ACBD6: variants seen among roughly 807,000 people sequenced by gnomAD.
ACBD6 encodes the protein acyl-CoA binding domain containing 6, also known as acyl-CoA-binding domain-containing protein 6.
Under a neutral mutation model 37.2 loss-of-function variants are expected in ACBD6, and 28 were observed. That is an observed-to-expected ratio of 0.75 (90% confidence interval 0.56 to 1.03). ACBD6 has a LOEUF of 1.03. Among genes scored for constraint, ACBD6 ranks in the 50% least tolerant of loss-of-function variants. The pLI is 0.00. For synonymous variants in ACBD6, 113 were observed against 126.8 expected, an observed-to-expected ratio of 0.89 and a Z score of 0.73; for missense variants, 340 against 337.4, an observed-to-expected ratio of 1.01 and a Z score of -0.06.
intron 1 of ACBD6, among the ~76,000 whole-genome samples, chr1:180,496,802 G>A (rs1343725046): frequency 2.0e-5 from 3 of 152,162 alleles, no homozygotes; most frequent in African/African-American, 7.2e-5. Context: ...GAAAAAGAAG[G>A]AGCCACATTT....
chr1:180,502,128 C>A lies in ACBD6; in HGVS notation c.139G>T (p.Glu47Ter), dbSNP rs368971959. 6.2e-7 allele frequency: 1 copy of A among 1,613,906 alleles called. No individual in the cohort carries two copies. The highest frequency in any genetic ancestry group is 1.7e-5 in the Admixed American group (1 of 60,000). ...CCTTGCAGGTGCGCGGCAGCCTTCT[C>A]AAACAGCTCGGCCAGGCAACTGGTC... ...EETSCLAELF[E>*]KAAAHLQGLI... Residue 47 changes from glutamate (E) to a stop codon, truncating the protein, a stop_gained, in exon 1 of 8, where the codon GAG (glutamate) becomes TAG (stop). Transcript: ENST00000367595. LOFTEE classifies it high-confidence loss of function.
chr1:180,413,546 T>C (rs901263832), intron 4 of ACBD6, 75 bp from the exon 5 acceptor site: 1 of 1,169,692 alleles, frequency 8.5e-7, no homozygotes. Flanking sequence ...ACAATCTGTT[T>C]GCTGCTGACA....
At chr1:180,293,621 A>G (rs1014409160) in intron 7 of ACBD6, among the ~76,000 whole-genome samples, 2 of 152,158 alleles carry the variant, frequency 1.3e-5, no homozygotes, top group Non-Finnish European at 2.9e-5. Flanking sequence ...TCATCCTTAA[A>G]TACTCAGTAG....
chr1:180,394,615 A>G (rs891805067), intron 6 of ACBD6, among the ~76,000 whole-genome samples: 4 of 152,212 alleles, frequency 2.6e-5, no homozygotes, highest in Admixed American at 2.0e-4. Context: ...ACAGAAAACC[A>G]GAGCAATGGA....
intron 3 of ACBD6, among the ~76,000 whole-genome samples, chr1:180,467,285 A>G (rs993211795): frequency 6.6e-6 from 1 of 151,726 alleles, no homozygotes; most frequent in African/African-American, 2.4e-5. Flanking sequence ...GATATTCAAC[A>G]TGCAAAAAAA....
At chr1:180,307,733 T>A (rs1650436362) in intron 7 of ACBD6, among the ~76,000 whole-genome samples, 1 of 152,182 alleles carries the variant, frequency 6.6e-6, no homozygotes, top group Admixed American at 6.5e-5. Flanking sequence ...GGCAAGCGGA[T>A]CATTTGAGGC....
At chr1:180,386,994 G>A (rs1653869827) in intron 6 of ACBD6, among the ~76,000 whole-genome samples, 1 of 152,112 alleles carries the variant, frequency 6.6e-6, no homozygotes, top group African/African-American at 2.4e-5. Flanking sequence ...ATGCGTATCT[G>A]TATTCTATTT....
At chr1:180,496,002 C>T (rs1274533645) in intron 1 of ACBD6, among the ~76,000 whole-genome samples, 1 of 152,116 alleles carries the variant, frequency 6.6e-6, no homozygotes, top group Admixed American at 6.6e-5. Context: ...AAACAGTGTA[C>T]TACTTTTAAA....
At chr1:180,431,499 G>A (rs540294168) in intron 3 of ACBD6, among the ~76,000 whole-genome samples, 15 of 151,952 alleles carry the variant, frequency 9.9e-5, no homozygotes, top group Non-Finnish European at 2.2e-4. Flanking sequence ...AGAATTTCTG[G>A]GATAGATAAT....
intron 6 of ACBD6, among the ~76,000 whole-genome samples, chr1:180,384,820 T>A (rs1401269310): frequency 6.6e-6 from 1 of 152,128 alleles, no homozygotes; most frequent in African/African-American, 2.4e-5. Context: ...TAGTCAGCTA[T>A]GAAGAAGAAT....
At chr1:180,457,866 C>T (rs1363865566) in intron 3 of ACBD6, among the ~76,000 whole-genome samples, 2 of 150,592 alleles carry the variant, frequency 1.3e-5, no homozygotes, top group African/African-American at 2.5e-5. Flanking sequence ...GATCTCAGCT[C>T]ACTGCAACAT....
intron 7 of ACBD6, among the ~76,000 whole-genome samples, chr1:180,292,813 A>G (rs1023476030): frequency 2.0e-5 from 3 of 152,144 alleles, no homozygotes; most frequent in Non-Finnish European, 4.4e-5. Flanking sequence ...TCTTAGAGGG[A>G]AAGTGTTCAG....
intron 5 of ACBD6, among the ~76,000 whole-genome samples, chr1:180,397,876 A>G (rs770223162): frequency 3.9e-5 from 6 of 152,144 alleles, no homozygotes; most frequent in Non-Finnish European, 7.4e-5. Flanking sequence ...AACATGGTGA[A>G]ACCCTGTCTC....
rs1571504140 is a variant in ACBD6 at position 180,433,270 on chromosome 1, A to C, written c.385-3008T>G. On this transcript the variant is annotated intron_variant, in intron 3 of 7. Transcript: ENST00000367595. ...ATCAATCATATAACACAGCATATTA[A>C]TACAATGAAGGACAAAACCCACATG... Among the ~76,000 whole-genome samples the C allele has an allele frequency of 1.3e-5, 2 of 152,234 alleles. 1 individual carries two copies. Among genetic ancestry groups the C allele is most frequent in the South Asian group, 4.1e-4 (2 of 4,826 alleles).
chr1:180,443,658 G>A (rs1649368911), intron 3 of ACBD6, among the ~76,000 whole-genome samples: 1 of 152,068 alleles, frequency 6.6e-6, no homozygotes, highest in Non-Finnish European at 1.5e-5. Context: ...TGTCGCCCAG[G>A]CTGGAGTGCA....
exon 14 of ACBD6, chr1:180,270,598 T>A (rs1648588078): frequency 6.5e-6 from 1 of 153,040 alleles, no homozygotes; most frequent in Non-Finnish European, 1.5e-5. Context: ...TCTAGGACTT[T>A]GTGTTGATCA....
intron 5 of ACBD6, among the ~76,000 whole-genome samples, chr1:180,398,749 T>C (rs907708751): frequency 6.6e-6 from 1 of 152,208 alleles, no homozygotes; most frequent in Non-Finnish European, 1.5e-5. Flanking sequence ...GCTAAGGGCT[T>C]TTCTGAATAA....
chr1:180,440,697 G>A (rs1329974771), intron 3 of ACBD6, among the ~76,000 whole-genome samples: 1 of 146,154 alleles, frequency 6.8e-6, no homozygotes, highest in Non-Finnish European at 1.5e-5. Flanking sequence ...CCACTAAGCA[G>A]TCACTCCCCA....
chr1:180,342,884 A>C (rs1328249017), intron 6 of ACBD6, among the ~76,000 whole-genome samples: 1 of 152,074 alleles, frequency 6.6e-6, no homozygotes, highest in African/African-American at 2.4e-5. Context: ...AACTTATATC[A>C]GCTAATTTTT....
Sources: allele counts gnomAD v4.1 joint callset (sites outside exome capture counted in the v4.1 genomes callset), GRCh38; gene constraint gnomAD v4.1.1; transcripts MANE v1.5; gene names NCBI Gene and HGNC (gene_info 2026-07-23, HGNC 2026-07-21).